Variants in TOP2B observed in about 807,000 individuals in gnomAD.
The protein encoded by TOP2B is DNA topoisomerase II beta, also known as DNA topoisomerase 2-beta.
In TOP2B, 51 loss-of-function variants were observed where a neutral mutation model predicts 193.5. The ratio of observed to expected loss-of-function variants is 0.26; its 90% CI spans 0.21 to 0.33. The LOEUF is 0.33. TOP2B is among the 10% of genes least tolerant of loss of function. The pLI is 1.00. For synonymous variants in TOP2B, 634 were observed against 635.7 expected (o/e 1.00, Z 0.04); for missense variants, 1,378 against 1,909.3 (o/e 0.72, Z 5.19).
At position 25,607,085 on chromosome 3, in the gene TOP2B, C is replaced by T; in HGVS notation, c.4298+86G>A. ...AAGAAGAACTTGCCTAGAATGATAA[C>T]AATTTCTTAGAAGAGCTCACTATAA... On this transcript the variant is annotated intron_variant, in intron 31 of 35. Transcript: ENST00000264331. 4 of 1,508,218 alleles carry T rather than the reference C, an allele frequency of 2.7e-6. No homozygotes were observed. In the South Asian group the frequency reaches 4.1e-5, roughly 16 times the overall value. 93.4% of individuals were successfully genotyped at this position (1,508,218 alleles called of 1,614,324 possible). A position where few individuals can be genotyped will look rare whatever the true frequency, so the allele number is the denominator to read the frequency against.
intron 4 of TOP2B, among the ~76,000 whole-genome samples, chr3:25,641,834 C>T (rs564378645): frequency 6.6e-6 from 1 of 152,156 alleles, no homozygotes; most frequent in East Asian, 1.9e-4. Context: ...TGATTTAATG[C>T]TACTATTTTT....
At chr3:25,664,152 C>A in intron 1 of TOP2B, 77 bp downstream of exon 1, 1 of 1,526,430 alleles carries the variant, frequency 6.6e-7, no homozygotes, top group South Asian at 1.2e-5. Context: ...CTTTCCCCTC[C>A]CCCGCCCGTT....
chr3:25,626,875 C>G lies in TOP2B; in HGVS notation c.2017-11G>C, dbSNP rs762902045. The G allele has an allele frequency of 1.3e-6, 2 of 1,520,920 alleles. No homozygotes were observed. The highest frequency in any genetic ancestry group is 2.7e-5 in the African/African-American group (2 of 73,184). The allele number at this position is 1,520,920 out of a possible 1,614,324, so 94.2% of individuals were successfully genotyped here. On this transcript the variant is annotated splice_polypyrimidine_tract_variant and intron_variant, in intron 16 of 35. Transcript: ENST00000264331. ...CTTCTTACTAAATGCCTGAAAGATTCCAGGTAACGATTTTGCACATTAAAA... is the reference window on the plus strand; with the variant it reads ...CTTCTTACTAAATGCCTGAAAGATTGCAGGTAACGATTTTGCACATTAAAA...
chr3:25,637,187 A>G, intron 6 of TOP2B, 28 bp downstream of exon 6: 4 of 1,496,742 alleles, frequency 2.7e-6, no homozygotes, highest in Non-Finnish European at 3.6e-6. Context: ...TTATTTTAAA[A>G]AAAGAAATAG....
At chr3:25,612,797 T>C in intron 27 of TOP2B, 88 bp from the exon 28 acceptor site, 2 of 965,374 alleles carry the variant, frequency 2.1e-6, no homozygotes, top group Non-Finnish European at 3.1e-6. Flanking sequence ...ACAAATGTTA[T>C]TCACTCAGTA....
At chr3:25,635,344 G>GA (rs1233036377) in intron 7 of TOP2B, among the ~76,000 whole-genome samples, 4 of 151,750 alleles carry the variant, frequency 2.6e-5, no homozygotes, top group Non-Finnish European at 5.9e-5. Context: ...CAAAAGACAA[G>GA]AAAAAAACAA....
intron 25 of TOP2B, chr3:25,616,005 T>G (rs1559495551): frequency 6.6e-6 from 1 of 152,374 alleles, no homozygotes; most frequent in African/African-American, 2.4e-5. Context: ...ATGAAAATTA[T>G]TTTACAGTTA....
intron 10 of TOP2B, among the ~76,000 whole-genome samples, chr3:25,632,003 A>G (rs571306244): frequency 1.3e-5 from 2 of 152,168 alleles, no homozygotes; most frequent in South Asian, 4.1e-4. Context: ...AAGGTAGCCT[A>G]AAAAAATTAT....
chr3:25,661,894 C>T (rs1178443638), intron 1 of TOP2B, among the ~76,000 whole-genome samples: 1 of 152,148 alleles, frequency 6.6e-6, no homozygotes, highest in Non-Finnish European at 1.5e-5. Context: ...GGGGCTAATT[C>T]TATTTTTATT....
chr3:25,599,495 A>G lies in TOP2B; in HGVS notation c.4650T>C (p.Ser1550=), dbSNP rs755339372. 3.3e-5 allele frequency: 53 copies of G among 1,613,588 alleles called. No homozygotes were observed. The highest frequency in any genetic ancestry group is 4.4e-5 in the Non-Finnish European group (52 of 1,179,656). The change falls in exon 35 of 36, where the codon TCT becomes TCC. Residue 1550 remains serine, a synonymous_variant. Coordinates refer to ENST00000264331, the MANE Select transcript of TOP2B (RefSeq NM_001330700.2). Reference sequence around the variant, plus strand: ...TATAATCGCCTTCATTTTCAGAGCCAGATGCTTTCCTTTTCTTTGCCCCTC... The same window carrying G: ...TATAATCGCCTTCATTTTCAGAGCCGGATGCTTTCCTTTTCTTTGCCCCTC... The part of the protein sequence containing the change: ...KGRGAKKRKA[S]GSENEGDYNP...
At position 25,606,932 on chromosome 3, in the gene TOP2B, A is replaced by G. The variant is rs1575562109; in HGVS notation, c.4298+239T>C. Among the ~76,000 whole-genome samples, 3 of 152,222 alleles carry G rather than the reference A, an allele frequency of 2.0e-5. No homozygotes were observed. The East Asian group carries it at 5.8e-4, about 29-fold the overall frequency. ...GCATTAAGTAGTTGTGATAGAAACA[A>G]TATGGCCCACGAAGCCTAAAACATT... On this transcript the variant is annotated intron_variant, in intron 31 of 35. Coordinates refer to ENST00000264331, the MANE Select transcript of TOP2B (RefSeq NM_001330700.2).
rs71313307 is a variant in TOP2B at position 25,598,262 on chromosome 3, A to C, written c.*45T>G. 23 of 1,545,552 alleles carry C rather than the reference A, an allele frequency of 1.5e-5. No individual in the cohort carries two copies. The highest frequency in any genetic ancestry group is 3.7e-5 in the Admixed American group (2 of 53,798). On this transcript the variant is annotated 3_prime_UTR_variant, in exon 36 of 36. Transcript: ENST00000264331. ...AGTCTGAGACAGAGAAGACAAAAGG[A>C]CAACACAAGATATTTGTTGAAAAAT...
intron 4 of TOP2B, among the ~76,000 whole-genome samples, chr3:25,640,123 T>C (rs1703215109): frequency 6.6e-6 from 1 of 152,178 alleles, no homozygotes; most frequent in Non-Finnish European, 1.5e-5. Flanking sequence ...AAGCAAAAAT[T>C]GCACCTCTGA....
intron 35 of TOP2B, among the ~76,000 whole-genome samples, 174 bp from the exon 36 acceptor site, chr3:25,598,651 G>A (rs145717903): frequency 1.8e-4 from 27 of 152,158 alleles, no homozygotes; most frequent in Admixed American, 5.9e-4. Flanking sequence ...ATTTTTTGGA[G>A]GAAAAAGATT....
At chr3:25,599,105 T>C (rs1203146799) in intron 35 of TOP2B, among the ~76,000 whole-genome samples, 1 of 152,086 alleles carries the variant, frequency 6.6e-6, no homozygotes, top group African/African-American at 2.4e-5. Flanking sequence ...CCTGGTCAAA[T>C]AAATCCAAGT....
chr3:25,628,113 A>G (rs1702857130), intron 15 of TOP2B, among the ~76,000 whole-genome samples: 1 of 151,066 alleles, frequency 6.6e-6, no homozygotes, highest in South Asian at 2.1e-4. Context: ...CTCTAAAAAT[A>G]AACAATTTTA....
chr3:25,648,512 C>T (rs1018054184), intron 1 of TOP2B, among the ~76,000 whole-genome samples: 1 of 152,106 alleles, frequency 6.6e-6, no homozygotes, highest in Non-Finnish European at 1.5e-5. Context: ...AAAGCCCTAA[C>T]AGAAAATAAC....
chr3:25,604,898 A>C (rs565600644), intron 32 of TOP2B, 28 bp from the exon 33 acceptor site: 65 of 1,523,178 alleles, frequency 4.3e-5, no homozygotes, highest in African/African-American at 5.5e-5. Flanking sequence ...TTCTTTTAGT[A>C]AAGAGATGTT....
chr3:25,636,186 T>C (rs1359374122), intron 6 of TOP2B, 38 bp from the exon 7 acceptor site: 1 of 1,290,858 alleles, frequency 7.7e-7, no homozygotes, highest in Non-Finnish European at 1.1e-6. Context: ...CTATAATGCT[T>C]CCATATCTCA....
Sources: allele counts gnomAD v4.1 joint callset (sites outside exome capture counted in the v4.1 genomes callset), GRCh38; gene constraint gnomAD v4.1.1; transcripts MANE v1.5; gene names NCBI Gene and HGNC (gene_info 2026-07-23, HGNC 2026-07-21).